Variants in CNBD1 observed in about 807,000 individuals in gnomAD.
CNBD1 encodes cyclic nucleotide binding domain containing 1.
CNBD1 carries 71 observed loss-of-function variants against 54.4 expected under a neutral mutation model. The ratio of observed to expected loss-of-function variants is 1.30; its 90% confidence interval spans 1.08 to 1.59. The LOEUF (loss-of-function observed/expected upper bound fraction) is 1.59, where lower values mean the gene tolerates loss of function less well. CNBD1 is among the 40% of genes most tolerant of loss of function. The pLI is 0.00. For synonymous variants in CNBD1, 182 were observed against 170.7 expected (o/e 1.07, Z -0.51); for missense variants, 659 against 518.0 (o/e 1.27, Z -2.64).
intron 4 of CNBD1, among the ~76,000 whole-genome samples, chr8:87,115,642 G>T (rs1811752428): frequency 6.6e-6 from 1 of 152,132 alleles, no homozygotes; most frequent in East Asian, 1.9e-4. Flanking sequence ...AGTTCTTAAG[G>T]TTGAAGTTCC....
At chr8:87,333,631 A>G (rs1229362819) in intron 8 of CNBD1, among the ~76,000 whole-genome samples, 2 of 152,178 alleles carry the variant, frequency 1.3e-5, no homozygotes, top group African/African-American at 4.8e-5. Context: ...TATTGAGATA[A>G]TCATGTGGTT....
intron 6 of CNBD1, among the ~76,000 whole-genome samples, chr8:87,239,320 T>C (rs933373652): frequency 4.6e-5 from 7 of 152,148 alleles, no homozygotes; most frequent in Admixed American, 3.9e-4. Flanking sequence ...GTAGAAATTA[T>C]GAGTTTAGCT....
intron 4 of CNBD1, among the ~76,000 whole-genome samples, chr8:86,957,104 G>A (rs1200636147): frequency 6.6e-6 from 1 of 152,136 alleles, no homozygotes; most frequent in Non-Finnish European, 1.5e-5. Context: ...TTTTGTCTTT[G>A]GTTCTGTTTA....
At chr8:87,071,578 A>G (rs1016603890) in intron 4 of CNBD1, among the ~76,000 whole-genome samples, 1 of 152,122 alleles carries the variant, frequency 6.6e-6, no homozygotes, top group African/African-American at 2.4e-5. Context: ...TTAAAAACTC[A>G]TGTAACAGAT....
At chr8:87,263,696 C>A (rs1317175492) in intron 6 of CNBD1, among the ~76,000 whole-genome samples, 2 of 152,026 alleles carry the variant, frequency 1.3e-5, no homozygotes, top group Admixed American at 1.3e-4. Flanking sequence ...AACAAAATTC[C>A]TAACCTTTGG....
At chr8:87,098,686 A>C (rs142382667) in intron 4 of CNBD1, among the ~76,000 whole-genome samples, 1 of 151,894 alleles carries the variant, frequency 6.6e-6, no homozygotes, top group Non-Finnish European at 1.5e-5. Context: ...ACAACTGTTC[A>C]TCAACAAATG....
At chr8:87,314,353 CA>C (rs1268242804) in intron 8 of CNBD1, among the ~76,000 whole-genome samples, 1 of 151,568 alleles carries the variant, frequency 6.6e-6, no homozygotes, top group African/African-American at 2.4e-5. Context: ...AAATATAAGT[CA>C]GGGGAGGAAA....
At chr8:87,296,422 GAAAA>G (rs1301777446) in intron 8 of CNBD1, among the ~76,000 whole-genome samples, 1 of 152,110 alleles carries the variant, frequency 6.6e-6, no homozygotes, top group African/African-American at 2.4e-5. Context: ...AGTGAAAATA[GAAAA>G]GAGGTTCTTA....
At chr8:87,425,498 G>T (rs894062480) in intron 2 of CNBD1, among the ~76,000 whole-genome samples, 2 of 152,112 alleles carry the variant, frequency 1.3e-5, no homozygotes, top group Non-Finnish European at 2.9e-5. Context: ...TGGGTTTTTG[G>T]TGTGGATGTC....
chr8:87,033,462 CTTG>C (rs1224429289), intron 4 of CNBD1, among the ~76,000 whole-genome samples: 3 of 152,150 alleles, frequency 2.0e-5, no homozygotes, highest in Non-Finnish European at 4.4e-5. Flanking sequence ...AAAAAGTGTT[CTTG>C]TTGTCCAGGC....
chr8:87,280,913 C>T (rs1040873219), intron 6 of CNBD1, among the ~76,000 whole-genome samples: 5 of 151,454 alleles, frequency 3.3e-5, no homozygotes, highest in Non-Finnish European at 7.4e-5. Context: ...TCCATCTGTG[C>T]AACTCTACCA....
chr8:87,344,005 GA>G (rs1810118809), intron 8 of CNBD1, among the ~76,000 whole-genome samples: 1 of 151,920 alleles, frequency 6.6e-6, no homozygotes, highest in African/African-American at 2.4e-5. Flanking sequence ...CTTAGGTTTT[GA>G]TTTGAGCACT....
At chr8:87,032,794 A>T (rs1402411500) in intron 4 of CNBD1, among the ~76,000 whole-genome samples, 1 of 151,866 alleles carries the variant, frequency 6.6e-6, no homozygotes, top group African/African-American at 2.4e-5. Flanking sequence ...AGTAAATCAG[A>T]CTCCTTCTGC....
intron 10 of CNBD1, among the ~76,000 whole-genome samples, chr8:87,370,258 G>A (rs1267557501): frequency 6.6e-6 from 1 of 151,972 alleles, no homozygotes; most frequent in Non-Finnish European, 1.5e-5. Flanking sequence ...TGGGATGGCT[G>A]GGTCAAATGG....
rs192332662 is a variant in CNBD1 at position 87,241,461 on chromosome 8, A to G, written c.771+4349A>G. On this transcript the variant is annotated intron_variant, in intron 6 of 10. Coordinates refer to ENST00000518476, the MANE Select transcript of CNBD1 (RefSeq NM_173538.3). ...AATTTTTTTTGTATTTTTAGTAGAG[A>G]CGGGGTTTCACCGTGTTAGCCAGGA... Among the ~76,000 whole-genome samples, 924 of 151,622 alleles carry G rather than the reference A, an allele frequency of 6.1e-3. 12 individuals carry two copies. The highest frequency in any genetic ancestry group is 0.021 in the African/African-American group (873 of 41,278).
chr8:87,205,887 TAACTA>T, intron 4 of CNBD1, 101 bp from the exon 5 acceptor site: 1 of 946,996 alleles, frequency 1.1e-6, no homozygotes, highest in Non-Finnish European at 1.4e-6. Context: ...TAAAAACCCT[TAACTA>T]AACAGAAAAT....
At chr8:87,282,801 T>A (rs1355603886) in intron 6 of CNBD1, among the ~76,000 whole-genome samples, 1 of 151,922 alleles carries the variant, frequency 6.6e-6, no homozygotes, top group Non-Finnish European at 1.5e-5. Flanking sequence ...ATTGAAAAAA[T>A]TAAATGGACA....
intron 4 of CNBD1, among the ~76,000 whole-genome samples, chr8:87,025,590 T>C (rs1042965942): frequency 6.7e-5 from 10 of 149,614 alleles, no homozygotes; most frequent in Middle Eastern, 3.4e-3. Flanking sequence ...CAAGTCTGGA[T>C]ATGCCACCTG....
At chr8:87,416,236 A>G (rs1017938612) in intron 2 of CNBD1, among the ~76,000 whole-genome samples, 1 of 152,060 alleles carries the variant, frequency 6.6e-6, no homozygotes, top group Admixed American at 6.6e-5. Flanking sequence ...ATAGAATAAG[A>G]AGATAAAAAT....
Sources: allele counts gnomAD v4.1 joint callset (sites outside exome capture counted in the v4.1 genomes callset), GRCh38; gene constraint gnomAD v4.1.1; transcripts MANE v1.5; gene names NCBI Gene and HGNC (gene_info 2026-07-23, HGNC 2026-07-21).